FMN2: variants seen among roughly 807,000 people sequenced by gnomAD.
FMN2 encodes the protein formin-2.
A neutral mutation model predicts 142.3 loss-of-function variants in FMN2; 51 were observed. The observed-to-expected ratio is 0.36, with a 90% CI of 0.29 to 0.45. The LOEUF is 0.45. Ranked by LOEUF, FMN2 falls within the 20% of genes least tolerant of loss-of-function variation. The pLI, the probability that FMN2 is intolerant of heterozygous loss-of-function variation, is 1.00. For synonymous variants in FMN2, 882 were observed against 869.8 expected (o/e 1.01, Z -0.25); for missense variants, 1,936 against 2,122.8 (o/e 0.91, Z 1.73).
chr1:240,400,968 T>G (rs1437888029), intron 15 of FMN2: 2 of 151,584 alleles, frequency 1.3e-5, no homozygotes, highest in East Asian at 3.9e-4. Flanking sequence ...ACTAATAATA[T>G]AAAAAAATTA....
chr1:240,362,846 A>G (rs1467557176), intron 14 of FMN2, among the ~76,000 whole-genome samples: 1 of 152,224 alleles, frequency 6.6e-6, no homozygotes, highest in African/African-American at 2.4e-5. Context: ...GATTTTATAA[A>G]TCAAAAATAG....
chr1:240,098,097 A>ATTTTTTTTTTTTTTTTTTTTTTTTTTT lies in FMN2; in HGVS notation c.1615+4394_1615+4395insTTTTTTTTTTTTTTTTTTTTTTTTTTT, dbSNP rs35191164. Among the ~76,000 whole-genome samples the ATTTTTTTTTTTTTTTTTTTTTTTTTTT allele has an allele frequency of 5.0e-4, 49 of 98,672 alleles. 3 individuals are homozygous for ATTTTTTTTTTTTTTTTTTTTTTTTTTT. The highest frequency in any genetic ancestry group is 6.1e-4 in the Non-Finnish European group (32 of 52,134). The allele number at this position is 98,672 out of a possible 152,430, so 64.7% of individuals were successfully genotyped here. ...TTGGCCTTTCTAAAGGTTATCTTGA[A>ATTTTTTTTTTTTTTTTTTTTTTTTTTT]TTTTTTTTTTTTTTTTTTTTTGGAG... On this transcript the variant is annotated intron_variant, in intron 1 of 17. Transcript: ENST00000319653.
intron 14 of FMN2, among the ~76,000 whole-genome samples, chr1:240,381,781 C>T (rs1259178597): frequency 6.6e-6 from 1 of 152,130 alleles, no homozygotes; most frequent in East Asian, 1.9e-4. Context: ...AACATTGCTT[C>T]ATGATAAAAA....
chr1:240,202,824 T>C (rs1424536936), intron 4 of FMN2, among the ~76,000 whole-genome samples: 1 of 152,202 alleles, frequency 6.6e-6, no homozygotes, highest in African/African-American at 2.4e-5. Flanking sequence ...AATTTTATGC[T>C]ATTTTCATTA....
At chr1:240,094,600 A>G (rs557623479) in intron 1 of FMN2, among the ~76,000 whole-genome samples, 157 of 152,294 alleles carry the variant, frequency 1.0e-3, no homozygotes, top group African/African-American at 3.5e-3. Flanking sequence ...ACAGGGCCCA[A>G]GGCCTTACCT....
At chr1:240,124,118 A>G (rs1472758110) in intron 2 of FMN2, among the ~76,000 whole-genome samples, 5 of 152,204 alleles carry the variant, frequency 3.3e-5, no homozygotes, top group Admixed American at 3.3e-4. Flanking sequence ...TAATGCTGCT[A>G]TGAATATGGG....
chr1:240,438,078 C>T lies in FMN2; in HGVS notation c.4928C>T (p.Ala1643Val). 3.7e-6 allele frequency: 6 copies of T among 1,613,802 alleles called. No individual in the cohort carries two copies. The highest frequency in any genetic ancestry group is 5.1e-6 in the Non-Finnish European group (6 of 1,179,914). ...TTTGACAGCTTTTTGGAGACCACGG[C>T]ATATTTCTTCATGAAACCAAAACTT... The part of the protein sequence containing the change: ...ETHKCFLETT[A>V]YFFMKPKLGE... Residue 1643 changes from alanine (A) to valine (V), a missense_variant, in exon 16 of 18, where the codon GCA (alanine) becomes GTA (valine). Ala to Val is a moderately conservative substitution (Grantham distance 64). Around this residue, in one of 8 missense-constraint regions of FMN2, gnomAD observed 322 missense variants for 401.6 expected, o/e 0.80. Coordinates refer to ENST00000319653, the MANE Select transcript of FMN2 (RefSeq NM_020066.5).
chr1:240,431,710 T>C (rs1675184284), intron 15 of FMN2, among the ~76,000 whole-genome samples: 1 of 151,580 alleles, frequency 6.6e-6, no homozygotes, highest in African/African-American at 2.4e-5. Context: ...CCATGTTTTT[T>C]ATACTTACTA....
At chr1:240,133,049 C>T (rs566222628) in intron 2 of FMN2, among the ~76,000 whole-genome samples, 37 of 152,258 alleles carry the variant, frequency 2.4e-4, no homozygotes, top group African/African-American at 8.4e-4. Context: ...TGGGGCACTG[C>T]CAAGCATTCT....
At chr1:240,229,561 ATGTT>A (rs1477399135) in intron 6 of FMN2, among the ~76,000 whole-genome samples, 1 of 152,148 alleles carries the variant, frequency 6.6e-6, no homozygotes, top group East Asian at 1.9e-4. Flanking sequence ...AAAAATGACT[ATGTT>A]TGGTGGTTCT....
chr1:240,175,884 A>T (rs996534730), intron 2 of FMN2, among the ~76,000 whole-genome samples: 39 of 152,244 alleles, frequency 2.6e-4, no homozygotes, highest in African/African-American at 8.7e-4. Context: ...TCCTTTGCCC[A>T]TTTTAAAATC....
intron 1 of FMN2, among the ~76,000 whole-genome samples, chr1:240,098,097 A>ATTTTTTTTTTTTTTCT (rs1661279027): frequency 1.0e-5 from 1 of 98,690 alleles, no homozygotes; most frequent in Non-Finnish European, 1.9e-5. Flanking sequence ...GTTATCTTGA[A>ATTTTTTTTTTTTTTCT]TTTTTTTTTT....
intron 13 of FMN2, among the ~76,000 whole-genome samples, chr1:240,355,172 A>T (rs928529900): frequency 6.7e-6 from 1 of 150,140 alleles, no homozygotes; most frequent in African/African-American, 2.5e-5. Context: ...TTTGAGCCTT[A>T]ACTTCCTCAG....
chr1:240,180,145 C>T (rs1481537512), intron 3 of FMN2: 1 of 1,272,500 alleles, frequency 7.9e-7, no homozygotes, highest in Non-Finnish European at 1.0e-6. Flanking sequence ...AACTTGTCTC[C>T]TTTTTAAAAA....
chr1:240,159,921 A>C lies in FMN2; in HGVS notation c.1783-18000A>C, dbSNP rs1030364614. 5.1e-5 allele frequency among the ~76,000 whole-genome samples: 7 copies of C among 137,180 alleles called. 1 individual carries two copies. In the East Asian group the frequency reaches 6.2e-4, roughly 12 times the overall value. The allele number at this position is 137,180 out of a possible 152,430, so 90.0% of individuals were successfully genotyped here. A position where few individuals can be genotyped will look rare whatever the true frequency, so the allele number is the denominator to read the frequency against. On this transcript the variant is annotated intron_variant, in intron 2 of 17. Transcript: ENST00000319653. The stretch of plus-strand genomic sequence containing the variant: ...TATATCTGTGTATATATATATATAT[A>C]TATATATATATTTGTGTATATATAT...
intron 8 of FMN2, among the ~76,000 whole-genome samples, chr1:240,307,670 T>C (rs1670458930): frequency 6.6e-6 from 1 of 152,360 alleles, no homozygotes; most frequent in South Asian, 2.1e-4. Context: ...AGCCCAGTAA[T>C]ATGATGCCTC....
At chr1:240,229,628 T>A (rs2103440449) in intron 6 of FMN2, among the ~76,000 whole-genome samples, 1 of 152,334 alleles carries the variant, frequency 6.6e-6, no homozygotes, top group East Asian at 1.9e-4. Flanking sequence ...ATGAAATGTC[T>A]GTGCTATCCT....
intron 1 of FMN2, among the ~76,000 whole-genome samples, chr1:240,114,499 A>G (rs1288871274): frequency 3.9e-5 from 6 of 152,148 alleles, no homozygotes; most frequent in Non-Finnish European, 7.3e-5. Flanking sequence ...GAAGCTGTGA[A>G]TGATCCCTGG....
At chr1:240,171,074 C>G in intron 2 of FMN2, 1 of 1,417,886 alleles carries the variant, frequency 7.1e-7, no homozygotes, top group East Asian at 2.3e-5. Context: ...CAAGAAATTG[C>G]CACTCATCCA....
Sources: allele counts gnomAD v4.1 joint callset (sites outside exome capture counted in the v4.1 genomes callset), GRCh38; gene constraint gnomAD v4.1.1; regional missense constraint gnomAD v4.1.1; transcripts MANE v1.5; gene names NCBI Gene and HGNC (gene_info 2026-07-23, HGNC 2026-07-21).